MCUR1: variants seen among roughly 807,000 people sequenced by gnomAD.
MCUR1 encodes the protein MCU regulator 1.
Under a neutral mutation model 42.0 loss-of-function variants are expected in MCUR1, and 37 were observed. That is an observed-to-expected ratio of 0.88 (90% confidence interval 0.68 to 1.16). The LOEUF is 1.16. MCUR1 is among the 50% of genes most tolerant of loss of function. The pLI is 0.00. For synonymous variants in MCUR1, 229 were observed against 196.2 expected (o/e 1.17, Z -1.40); for missense variants, 469 against 468.4 (o/e 1.00, Z -0.01).
Position 13,789,917 on chromosome 6 carries a change from G to A in MCUR1, c.*892C>T, listed in dbSNP as rs1442389758. ...TTTAGACAGCTGATTTTTCTGGCTG[G>A]AAGGCACATTAAAAATAACCCTAAC... On this transcript the variant is annotated 3_prime_UTR_variant, in exon 9 of 9. Transcript: ENST00000379170. 6.6e-6 allele frequency: 1 copy of A among 152,106 alleles called. No individual in the cohort carries two copies. 9.4% of individuals were successfully genotyped at this position (152,106 alleles called of 1,614,324 possible).
rs570825005 is a variant in MCUR1 at position 13,806,007 on chromosome 6, G to A, written c.535+918C>T. On this transcript the variant is annotated intron_variant, in intron 2 of 8. Coordinates refer to ENST00000379170, the MANE Select transcript of MCUR1 (RefSeq NM_001031713.4). ...GCGGTGGCTCACTCCTGTAATCCCA[G>A]CACTTTAGGAGGCTGAGGCGGGCAG... 3.3e-5 allele frequency among the ~76,000 whole-genome samples: 5 copies of A among 152,274 alleles called. No individual in the cohort carries two copies. The South Asian group carries it at 1.0e-3, about 32-fold the overall frequency.
intron 6 of MCUR1, among the ~76,000 whole-genome samples, chr6:13,798,242 C>T (rs1182100938): frequency 2.0e-5 from 3 of 151,128 alleles, no homozygotes; most frequent in African/African-American, 7.3e-5. Context: ...ATTACAGGTG[C>T]CCGCCACCAT....
intron 6 of MCUR1, among the ~76,000 whole-genome samples, chr6:13,797,737 T>A: frequency 7.3e-6 from 1 of 136,456 alleles, no homozygotes; most frequent in African/African-American, 2.8e-5. Flanking sequence ...AAAAACACAC[T>A]TGCCGGCCAG....
chr6:13,813,987 C>T, intron 1 of MCUR1, 28 bp downstream of exon 1: 1 of 1,229,918 alleles, frequency 8.1e-7, no homozygotes, highest in Non-Finnish European at 1.0e-6. Context: ...CGAGACGAGC[C>T]CCCTCTCCTC....
chr6:13,787,897 T>C lies in MCUR1; in HGVS notation c.*2912A>G, dbSNP rs911800872. 3.3e-5 allele frequency: 5 copies of C among 152,228 alleles called. No individual in the cohort carries two copies. Among genetic ancestry groups the C allele is most frequent in the Non-Finnish European group, 5.9e-5 (4 of 68,066 alleles). 9.4% of individuals were successfully genotyped at this position (152,228 alleles called of 1,614,324 possible). A position where few individuals can be genotyped will look rare whatever the true frequency, so the allele number is the denominator to read the frequency against. On this transcript the variant is annotated 3_prime_UTR_variant, in exon 9 of 9. Transcript: ENST00000379170. ...TTTATTTTGAGACAGAGTCTCACTGTGTCGCCCAGGCAGATCTCGTCTGGG... is the reference window on the plus strand; with the variant it reads ...TTTATTTTGAGACAGAGTCTCACTGCGTCGCCCAGGCAGATCTCGTCTGGG...
In MCUR1 at chr6:13,814,068, C is replaced by A; in HGVS notation, c.362G>T (p.Gly121Val). ...RCSPGVAAAA[G>V]ALPQYHGPAP... ...CGGGCCGTGGTACTGGGGAAGGGCG[C>A]CGGCGGCAGCGGCGACGCCCGGTGA... The change falls in exon 1 of 9, where the codon GGC becomes GTC. Residue 121 changes from glycine (G) to valine (V), a missense_variant. By Grantham distance (109) the Gly-to-Val change is moderately radical. Coordinates refer to ENST00000379170, the MANE Select transcript of MCUR1 (RefSeq NM_001031713.4). 8.1e-7 allele frequency: 1 copy of A among 1,239,446 alleles called. No homozygotes were observed. The allele number at this position is 1,239,446 out of a possible 1,614,324, so 76.8% of individuals were successfully genotyped here.
At chr6:13,813,559 C>G (rs1274562639) in intron 1 of MCUR1, among the ~76,000 whole-genome samples, 1 of 152,194 alleles carries the variant, frequency 6.6e-6, no homozygotes, top group Non-Finnish European at 1.5e-5. Flanking sequence ...AGGGCAGACG[C>G]TAGGACTCCA....
Position 13,789,114 on chromosome 6 carries a change from G to A in MCUR1, c.*1695C>T, listed in dbSNP as rs1759667094. Reference sequence around the variant, plus strand: ...CATGTGCCAGTAATTTGAATAAGATGAGAATGGGCCAGGCGCAGCGGCTCA... The same window carrying A: ...CATGTGCCAGTAATTTGAATAAGATAAGAATGGGCCAGGCGCAGCGGCTCA... On this transcript the variant is annotated 3_prime_UTR_variant, in exon 9 of 9. Coordinates refer to ENST00000379170, the MANE Select transcript of MCUR1 (RefSeq NM_001031713.4). 1 of 152,214 alleles carries A rather than the reference G, an allele frequency of 6.6e-6. No individual in the cohort carries two copies. Among genetic ancestry groups the A allele is most frequent in the Non-Finnish European group, 1.5e-5 (1 of 68,056 alleles). 9.4% of individuals were successfully genotyped at this position (152,214 alleles called of 1,614,324 possible). A position where few individuals can be genotyped will look rare whatever the true frequency, so the allele number is the denominator to read the frequency against.
At chr6:13,797,389 G>A (rs1759878744) in intron 6 of MCUR1, among the ~76,000 whole-genome samples, 1 of 152,120 alleles carries the variant, frequency 6.6e-6, no homozygotes, top group Non-Finnish European at 1.5e-5. Flanking sequence ...AAAATCACTA[G>A]AGGCAACCCG....
At chr6:13,805,640 T>C (rs1760097939) in intron 2 of MCUR1, among the ~76,000 whole-genome samples, 1 of 152,220 alleles carries the variant, frequency 6.6e-6, no homozygotes, top group Non-Finnish European at 1.5e-5. Context: ...TTCCGTCACT[T>C]TGTCTTAGGC....
At chr6:13,793,529 T>C (rs1759782194) in intron 7 of MCUR1, among the ~76,000 whole-genome samples, 1 of 152,234 alleles carries the variant, frequency 6.6e-6, no homozygotes, top group Non-Finnish European at 1.5e-5. Context: ...ACAAATGCTA[T>C]GATTCTATTT....
At chr6:13,801,239 C>A in intron 4 of MCUR1, 49 bp downstream of exon 4, 3 of 1,228,026 alleles carry the variant, frequency 2.4e-6, no homozygotes, top group Non-Finnish European at 3.6e-6. Context: ...TAATTTATCT[C>A]AATGTCTTAA....
chr6:13,804,549 C>T (rs986730451), intron 2 of MCUR1, among the ~76,000 whole-genome samples: 18 of 151,194 alleles, frequency 1.2e-4, no homozygotes, highest in African/African-American at 3.6e-4. Context: ...CCGAGGCGGG[C>T]GGATCACGAG....
chr6:13,804,833 A>T (rs2113472488), intron 2 of MCUR1, among the ~76,000 whole-genome samples: 1 of 150,734 alleles, frequency 6.6e-6, no homozygotes, highest in East Asian at 1.9e-4. Flanking sequence ...CTGAAAACCT[A>T]CTGAGTTATG....
chr6:13,805,992 A>C (rs953035182), intron 2 of MCUR1, among the ~76,000 whole-genome samples: 7 of 152,134 alleles, frequency 4.6e-5, no homozygotes, highest in African/African-American at 1.7e-4. Flanking sequence ...GCGGTGGCTC[A>C]CTCCTGTAAT....
intron 7 of MCUR1, among the ~76,000 whole-genome samples, chr6:13,793,125 C>CAAAA (rs781438643): frequency 7.7e-4 from 67 of 87,538 alleles, no homozygotes; most frequent in Non-Finnish European, 9.2e-4. Flanking sequence ...GACCCCACCT[C>CAAAA]AAAAAAAAAA....
chr6:13,800,316 CA>C (rs773791837), intron 5 of MCUR1, 24 bp downstream of exon 5: 1 of 1,527,910 alleles, frequency 6.5e-7, no homozygotes, highest in African/African-American at 1.4e-5. Context: ...ACAAACCAGC[CA>C]ACAAACAGGA....
rs368658565 is a variant in MCUR1 at position 13,814,193 on chromosome 6, G to C, written c.237C>G (p.Arg79=). 4 of 1,392,040 alleles carry C rather than the reference G, an allele frequency of 2.9e-6. No homozygotes were observed. The South Asian group carries it at 4.8e-5, about 17-fold the overall frequency. The allele number at this position is 1,392,040 out of a possible 1,614,324, so 86.2% of individuals were successfully genotyped here. The change falls in exon 1 of 9, where the codon CGC becomes CGG. Residue 79 remains arginine, a synonymous_variant. Coordinates refer to ENST00000379170, the MANE Select transcript of MCUR1 (RefSeq NM_001031713.4). ...GCCGGCGCGGGGCTGCGGCGGCCAA[G>C]CGCGGGGAGGGCACTAGCAGGAGGA... is the stretch of plus-strand genomic sequence containing the variant. ...LLLLLLVPSP[R]LAAAAPRRQL...
intron 1 of MCUR1, among the ~76,000 whole-genome samples, chr6:13,808,150 T>A (rs543484389): frequency 4.6e-5 from 7 of 152,260 alleles, no homozygotes; most frequent in Non-Finnish European, 8.8e-5. Context: ...CCGACACGTG[T>A]GCTGTTCTGC....
Sources: allele counts gnomAD v4.1 joint callset (sites outside exome capture counted in the v4.1 genomes callset), GRCh38; gene constraint gnomAD v4.1.1; transcripts MANE v1.5; gene names NCBI Gene and HGNC (gene_info 2026-07-23, HGNC 2026-07-21).